The following ALDH3A1 variants were observed in gnomAD, a reference collection of about 807,000 sequenced individuals.
ALDH3A1 encodes the protein aldehyde dehydrogenase 3 family member A1.
In ALDH3A1, 46 loss-of-function variants were observed where a neutral mutation model predicts 49.9. The observed-to-expected ratio is 0.92, with a 90% CI of 0.73 to 1.18. The LOEUF (loss-of-function observed/expected upper bound fraction) is 1.18, where lower values mean the gene tolerates loss of function less well. ALDH3A1 is among the 50% of genes most tolerant of loss of function. The pLI, the probability that ALDH3A1 is intolerant of heterozygous loss-of-function variation, is 0.00. For missense variants in ALDH3A1, 592 were observed against 611.8 expected (o/e 0.97, Z 0.34); for synonymous variants, 269 against 253.3 (o/e 1.06, Z -0.59).
chr17:19,748,256 T>A lies in ALDH3A1; in HGVS notation c.-6+3A>T, dbSNP rs1447114035. 2 of 500,070 alleles carry A rather than the reference T, an allele frequency of 4.0e-6. No individual in the cohort carries two copies. The highest frequency in any genetic ancestry group is 2.9e-5 in the South Asian group (2 of 69,226). 31.0% of individuals were successfully genotyped at this position (500,070 alleles called of 1,614,324 possible). A position where few individuals can be genotyped will look rare whatever the true frequency, so the allele number is the denominator to read the frequency against. On this transcript the variant is annotated splice_donor_region_variant and intron_variant, in intron 1 of 10. Coordinates refer to ENST00000225740, the MANE Select transcript of ALDH3A1 (RefSeq NM_000691.5). This position sits in a 1 kb window ranked among gnomAD's most constrained non-coding sequence, Gnocchi z 4.4. ...AAATAAGGAATGCAGGGAAGAGGAT[T>A]ACCTTTGACACAGCCTCTCCCGGTA...
At chr17:19,746,658 TGTGTGTGTGC>T (rs1349812831) in intron 1 of ALDH3A1, among the ~76,000 whole-genome samples, 8 of 143,654 alleles carry the variant, frequency 5.6e-5, no homozygotes, top group Middle Eastern at 3.6e-3. Context: ...TGTGTGCATG[TGTGTGTGTGC>T]GTGTGTGTGC....
intron 1 of ALDH3A1, 113 bp from the exon 2 acceptor site, chr17:19,745,247 G>T (rs2086580640): frequency 2.0e-5 from 23 of 1,177,502 alleles, no homozygotes; most frequent in Non-Finnish European, 2.6e-5. Flanking sequence ...GGGGAAAATG[G>T]CCTTTCCGCT....
chr17:19,742,901 G>C (rs1044213904), intron 3 of ALDH3A1: 2 of 1,528,406 alleles, frequency 1.3e-6, no homozygotes, highest in African/African-American at 1.4e-5. Context: ...AAAGGGGAGA[G>C]AGGCTCTGGG....
chr17:19,745,117 T>G lies in ALDH3A1; in HGVS notation c.13A>C (p.Ser5Arg), dbSNP rs778904408. The change falls in exon 2 of 11, where the codon AGC (serine) becomes CGC (arginine). Residue 5 changes from serine (S) to arginine (R), a missense_variant. Transcript: ENST00000225740. MSKISEAVKRARAAF... is the reference protein window; with the variant it reads MSKIREAVKRARAAF... The stretch of plus-strand genomic sequence containing the variant: ...GCGCGGGCGCGCTTCACGGCCTCGC[T>G]GATCTTGCTCATGGCGCCTGGGGAC... 1.9e-6 allele frequency: 3 copies of G among 1,580,088 alleles called. No homozygotes were observed. Among genetic ancestry groups the G allele is most frequent in the South Asian group, 2.2e-5 (2 of 89,546 alleles).
In ALDH3A1 at chr17:19,743,807, A is replaced by AG. The variant is rs151298179; in HGVS notation, c.163-345dup. 14 of 308,488 alleles carry AG rather than the reference A, an allele frequency of 4.5e-5. No homozygotes were observed. The highest frequency in any genetic ancestry group is 9.1e-4 in the Admixed American group (1 of 1,096). 19.1% of individuals were successfully genotyped at this position (308,488 alleles called of 1,614,324 possible). ...TCAGGCAGTGGGAATGGATCCGGGGAGGGGGGGATGGATCCGGGGAGGGGG... is the reference window on the plus strand; with the variant it reads ...TCAGGCAGTGGGAATGGATCCGGGGAGGGGGGGGATGGATCCGGGGAGGGGG... On this transcript the variant is annotated intron_variant, in intron 2 of 10. Transcript: ENST00000225740. The surrounding 1 kb of genome is among the most constrained non-coding windows in gnomAD (Gnocchi z 4.4).
rs1241245123 is a variant in ALDH3A1 at position 19,742,138 on chromosome 17, C to A, written c.555G>T (p.Leu185=). 2 of 1,614,120 alleles carry A rather than the reference C, an allele frequency of 1.2e-6. No homozygotes were observed. Among genetic ancestry groups the A allele is most frequent in the East Asian group, 4.5e-5 (2 of 44,884 alleles). Residue 185 remains leucine (L), a synonymous_variant, in exon 5 of 11, where the codon CTG becomes CTT. Coordinates refer to ENST00000225740, the MANE Select transcript of ALDH3A1 (RefSeq NM_000691.5). The part of the protein sequence containing the change: ...ELLKERFDHI[L]YTGSTGVGKI... ...TCCCCACCCCCGTGCTGCCCGTGTA[C>A]AGGATATGGTCGAACCTCTCCTTGA...
intron 4 of ALDH3A1, 141 bp downstream of exon 4, chr17:19,742,404 G>C (rs2152374831): frequency 8.9e-7 from 1 of 1,120,514 alleles, no homozygotes; most frequent in South Asian, 1.5e-5. Flanking sequence ...AATGAGAGAG[G>C]GCAGCTGCTA....
In ALDH3A1 at chr17:19,738,029, A is replaced by G; in HGVS notation, c.*192T>C. 1 of 1,513,762 alleles carries G rather than the reference A, an allele frequency of 6.6e-7. No individual in the cohort carries two copies. Among genetic ancestry groups the G allele is most frequent in the Non-Finnish European group, 8.8e-7 (1 of 1,132,210 alleles). The allele number at this position is 1,513,762 out of a possible 1,614,324, so 93.8% of individuals were successfully genotyped here. On this transcript the variant is annotated 3_prime_UTR_variant, in exon 11 of 11. Coordinates refer to ENST00000225740, the MANE Select transcript of ALDH3A1 (RefSeq NM_000691.5). Reference sequence around the variant, plus strand: ...TATTCGTCTCTTTATTGGTCTAGAAAGGGGTGGAGACTTGGAATGGTGAGG... The same window carrying G: ...TATTCGTCTCTTTATTGGTCTAGAAGGGGGTGGAGACTTGGAATGGTGAGG...
chr17:19,742,832 G>T, intron 3 of ALDH3A1: 1 of 1,532,862 alleles, frequency 6.5e-7, no homozygotes, highest in Non-Finnish European at 8.7e-7. Context: ...ACGGGCACAC[G>T]CTGGCCAGAG....
Position 19,743,602 on chromosome 17 carries a change from C to T in ALDH3A1, c.163-139G>A. ...AGGGTGGGGGCAGCCGCAGAAGGCT[C>T]CCAGGGGAAGCAGAGCCAGGATTAG... On this transcript the variant is annotated intron_variant, in intron 2 of 10. Transcript: ENST00000225740. This position sits in a 1 kb window ranked among gnomAD's most constrained non-coding sequence, Gnocchi z 4.4. 6.9e-7 allele frequency: 1 copy of T among 1,446,400 alleles called. No homozygotes were observed. Among genetic ancestry groups the T allele is most frequent in the Non-Finnish European group, 9.1e-7 (1 of 1,104,632 alleles). 89.6% of individuals were successfully genotyped at this position (1,446,400 alleles called of 1,614,324 possible).
At position 19,739,005 on chromosome 17, in the gene ALDH3A1, C is replaced by G; in HGVS notation, c.1207G>C (p.Gly403Arg). ...TCAGCCCCAGACTCACCCACGCCCCCGAAGGGCAGAGAGTGCAAGGTGATG... is the reference window on the plus strand; with the variant it reads ...TCAGCCCCAGACTCACCCACGCCCCGGAAGGGCAGAGAGTGCAAGGTGATG... ...VHITLHSLPF[G>R]GVGNSGMGSY... Residue 403 changes from glycine (G) to arginine (R), a missense_variant, in exon 9 of 11, where the codon GGG becomes CGG. Physicochemically the swap from Gly to Arg is moderately radical, Grantham distance 125. Transcript: ENST00000225740. 1.2e-6 allele frequency: 2 copies of G among 1,613,390 alleles called. No homozygotes were observed. Among genetic ancestry groups the G allele is most frequent in the Non-Finnish European group, 1.7e-6 (2 of 1,179,888 alleles).
chr17:19,744,582 G>A (rs953604282), intron 2 of ALDH3A1: 4 of 985,304 alleles, frequency 4.1e-6, no homozygotes, highest in Non-Finnish European at 4.8e-6. Flanking sequence ...TGAGAACTGG[G>A]AGGGAGGGGA....
intron 1 of ALDH3A1, among the ~76,000 whole-genome samples, chr17:19,747,198 G>A (rs1008867704): frequency 1.2e-4 from 19 of 152,182 alleles, no homozygotes; most frequent in Non-Finnish European, 1.3e-4. Context: ...ACATTCCAGC[G>A]AGTGGCTTCC....
In ALDH3A1 at chr17:19,738,979, C is replaced by G. The variant is rs138012937; in HGVS notation, c.1216+17G>C. ...CTGGGGCCCAGAGGGAGGCAGCAAG[C>G]TCAGCCCCAGACTCACCCACGCCCC... is the stretch of plus-strand genomic sequence containing the variant. On this transcript the variant is annotated intron_variant, in intron 9 of 10. Coordinates refer to ENST00000225740, the MANE Select transcript of ALDH3A1 (RefSeq NM_000691.5). The G allele has an allele frequency of 5.8e-5, 93 of 1,608,012 alleles. 1 individual carries two copies. In the African/African-American group the frequency reaches 1.2e-3, roughly 20 times the overall value.
At chr17:19,738,301 C>A (rs116087608) in intron 10 of ALDH3A1, 22 bp downstream of exon 10, 3 of 1,613,774 alleles carry the variant, frequency 1.9e-6, no homozygotes, top group East Asian at 2.2e-5. Context: ...CGGTCTCCCC[C>A]ACAGCGCCTT....
In ALDH3A1 at chr17:19,748,277, C is replaced by G. The variant is rs760289299; in HGVS notation, c.-24G>C. Reference sequence around the variant, plus strand: ...GGATTACCTTTGACACAGCCTCTCCCGGTAACTGGGGCTCCTGGAACGGCA... The same window carrying G: ...GGATTACCTTTGACACAGCCTCTCCGGGTAACTGGGGCTCCTGGAACGGCA... On this transcript the variant is annotated 5_prime_UTR_variant, in exon 1 of 11. Transcript: ENST00000225740. The surrounding 1 kb of genome is among the most constrained non-coding windows in gnomAD (Gnocchi z 4.4). 3.7e-5 allele frequency: 19 copies of G among 512,430 alleles called. No individual in the cohort carries two copies. The highest frequency in any genetic ancestry group is 7.0e-5 in the Non-Finnish European group (18 of 256,430). 31.7% of individuals were successfully genotyped at this position (512,430 alleles called of 1,614,324 possible).
chr17:19,738,655 T>G, intron 9 of ALDH3A1: 3 of 759,106 alleles, frequency 4.0e-6, no homozygotes, highest in Non-Finnish European at 6.2e-6. Context: ...CTCCTGAGGG[T>G]GGCCAATGTC....
intron 9 of ALDH3A1, chr17:19,738,677 C>G (rs2086433113): frequency 3.0e-6 from 2 of 658,474 alleles, no homozygotes; most frequent in Admixed American, 5.9e-5. Context: ...AGGGTGTCCC[C>G]AGGGCATCCA....
Position 19,738,283 on chromosome 17 carries a change from G to A in ALDH3A1, c.1347+40C>T, listed in dbSNP as rs774954930. The A allele has an allele frequency of 6.0e-5, 97 of 1,613,734 alleles. 1 individual carries two copies. The highest frequency in any genetic ancestry group is 3.1e-4 in the East Asian group (14 of 44,892). ...GCAGTGATCCCCAGGCCCTGGTCCC[G>A]CACAGCCCGGTCTCCCCCACAGCGC... is the stretch of plus-strand genomic sequence containing the variant. On this transcript the variant is annotated intron_variant, in intron 10 of 10. Coordinates refer to ENST00000225740, the MANE Select transcript of ALDH3A1 (RefSeq NM_000691.5).
Sources: allele counts gnomAD v4.1 joint callset (sites outside exome capture counted in the v4.1 genomes callset), GRCh38; gene constraint gnomAD v4.1.1; non-coding constraint Gnocchi (gnomAD v3.1); transcripts MANE v1.5; gene names NCBI Gene and HGNC (gene_info 2026-07-23, HGNC 2026-07-21).